The following ESRRG variants were observed in gnomAD, a reference collection of about 807,000 sequenced individuals.
ESRRG encodes the protein estrogen-related receptor gamma.
A neutral mutation model predicts 44.0 loss-of-function variants in ESRRG; 13 were observed. The observed-to-expected ratio is 0.30, with a 90% CI of 0.19 to 0.47. ESRRG has a LOEUF of 0.47. Among genes scored for constraint, ESRRG ranks in the 20% least tolerant of loss-of-function variants. ESRRG has a pLI of 1.00. For missense variants in ESRRG, 395 were observed against 580.6 expected (o/e 0.68, Z 3.29); for synonymous variants, 215 against 214.6 (o/e 1.00, Z -0.02).
intron 1 of ESRRG, among the ~76,000 whole-genome samples, chr1:216,702,354 T>G (rs2081532731): frequency 1.3e-5 from 2 of 152,070 alleles, no homozygotes; most frequent in Admixed American, 6.6e-5. Context: ...CTGTGCTGAT[T>G]CATGCTCATT....
chr1:216,533,548 G>C (rs746457198), intron 5 of ESRRG, among the ~76,000 whole-genome samples: 1 of 152,072 alleles, frequency 6.6e-6, no homozygotes, highest in Non-Finnish European at 1.5e-5. Context: ...AGGCAGAATA[G>C]AATTTTTCAA....
chr1:216,511,692 A>G (rs2042773805), intron 6 of ESRRG, among the ~76,000 whole-genome samples: 1 of 152,172 alleles, frequency 6.6e-6, no homozygotes, highest in Admixed American at 6.5e-5. Context: ...TTGTAATCTG[A>G]TTCTAGGCTT....
At chr1:216,768,243 A>G (rs1008306606) in intron 2 of ESRRG, among the ~76,000 whole-genome samples, 4 of 152,178 alleles carry the variant, frequency 2.6e-5, no homozygotes, top group Admixed American at 6.6e-5. Context: ...GCCCTGTTAT[A>G]GCATGTAAAA....
intron 2 of ESRRG, among the ~76,000 whole-genome samples, chr1:216,667,511 C>T (rs773543543): frequency 6.6e-6 from 1 of 151,486 alleles, no homozygotes; most frequent in South Asian, 2.1e-4. Context: ...CATGGTGAAA[C>T]CCTGTCTCTA....
At chr1:216,572,271 G>A (rs1210199185) in intron 3 of ESRRG, among the ~76,000 whole-genome samples, 1 of 151,762 alleles carries the variant, frequency 6.6e-6, no homozygotes, top group African/African-American at 2.4e-5. Flanking sequence ...TTACACTGGG[G>A]GAAAACACCA....
At chr1:216,626,711 A>T (rs1015916763) in intron 3 of ESRRG, among the ~76,000 whole-genome samples, 1 of 152,146 alleles carries the variant, frequency 6.6e-6, no homozygotes, top group East Asian at 1.9e-4. Context: ...GGCAGGACTA[A>T]TATTTTATTT....
intron 2 of ESRRG, among the ~76,000 whole-genome samples, chr1:216,651,628 T>A (rs931281432): frequency 6.6e-6 from 1 of 152,138 alleles, no homozygotes; most frequent in African/African-American, 2.4e-5. Flanking sequence ...GCTTTAGCAC[T>A]TACCAGAGCC....
intron 1 of ESRRG, among the ~76,000 whole-genome samples, chr1:217,072,738 C>T (rs1202667225): frequency 6.6e-6 from 1 of 152,034 alleles, no homozygotes; most frequent in Non-Finnish European, 1.5e-5. Context: ...CGAGCTGTCT[C>T]TTCTGTTATC....
Position 216,568,016 on chromosome 1 carries a change from A to G in ESRRG, c.672T>C (p.Pro224=). The change falls in exon 4 of 7, where the codon CCT becomes CCC. Residue 224 remains proline (P), a synonymous_variant. Coordinates refer to ENST00000408911, the MANE Select transcript of ESRRG (RefSeq NM_001438.4). ...IDAENSPYLN[P]QLVQPAKKPY... is the part of the protein sequence containing the mutation. ...GCTTTTTGGCTGGCTGAACCAGCTG[A>G]GGGTTCAGGTATGGGCTGTTCTCCG... is the stretch of plus-strand genomic sequence containing the variant. The G allele has an allele frequency of 6.2e-7, 1 of 1,613,062 alleles. No homozygotes were observed. Among genetic ancestry groups the G allele is most frequent in the Non-Finnish European group, 8.5e-7 (1 of 1,179,134 alleles).
At chr1:216,874,247 C>A (rs955407986) in intron 2 of ESRRG, among the ~76,000 whole-genome samples, 3 of 152,092 alleles carry the variant, frequency 2.0e-5, no homozygotes, top group Admixed American at 2.0e-4. Context: ...CTACTCTTTG[C>A]CTTTCAAAAT....
chr1:216,994,260 C>A (rs990889113), intron 1 of ESRRG, among the ~76,000 whole-genome samples: 4 of 152,186 alleles, frequency 2.6e-5, no homozygotes, highest in African/African-American at 7.2e-5. Context: ...ATCATTTCAA[C>A]TGACAATTGT....
chr1:216,543,263 C>A (rs1233396882), intron 5 of ESRRG, among the ~76,000 whole-genome samples: 1 of 151,980 alleles, frequency 6.6e-6, no homozygotes, highest in Non-Finnish European at 1.5e-5. Context: ...TGTTTCCAAA[C>A]CTGCCTTCAA....
Position 216,677,242 on chromosome 1 carries a change from A to G in ESRRG, c.306T>C (p.Asp102=), listed in dbSNP as rs1314163976. Residue 102 remains aspartate, a synonymous_variant, in exon 2 of 7, where the codon GAT becomes GAC. Coordinates refer to ENST00000408911, the MANE Select transcript of ESRRG (RefSeq NM_001438.4). ...GGSGPVRKLY[D]DCSSTIVEDP... ...CTTCAACAATGGTGCTGGAGCAGTC[A>G]TCATACAGTTTCCTGACAGGCCCAC... The G allele has an allele frequency of 1.2e-6, 2 of 1,614,172 alleles. No individual in the cohort carries two copies. The highest frequency in any genetic ancestry group is 8.5e-7 in the Non-Finnish European group (1 of 1,180,028).
At chr1:216,592,445 T>G (rs961598283) in intron 3 of ESRRG, among the ~76,000 whole-genome samples, 1 of 152,142 alleles carries the variant, frequency 6.6e-6, no homozygotes, top group African/African-American at 2.4e-5. Flanking sequence ...TCTTATATTT[T>G]CCATTCATTT....
chr1:216,635,466 A>G (rs1056786338), intron 3 of ESRRG, among the ~76,000 whole-genome samples: 2 of 152,224 alleles, frequency 1.3e-5, no homozygotes, highest in Admixed American at 6.5e-5. Context: ...CCTATAATAT[A>G]CCTTTTTTGT....
At chr1:216,916,928 A>C (rs1313485198) in intron 2 of ESRRG, among the ~76,000 whole-genome samples, 2 of 120,974 alleles carry the variant, frequency 1.7e-5, no homozygotes, top group South Asian at 5.3e-4. Context: ...ATAAACAACT[A>C]CCATTGTATT....
At position 216,540,695 on chromosome 1, in the gene ESRRG, T is replaced by C. The variant is rs1315986982; in HGVS notation, c.863-21274A>G. 3.3e-5 allele frequency among the ~76,000 whole-genome samples: 5 copies of C among 151,988 alleles called. No homozygotes were observed. The East Asian group carries it at 7.7e-4, about 24-fold the overall frequency. On this transcript the variant is annotated intron_variant, in intron 5 of 6. Transcript: ENST00000408911. ...CTAGGATCAAGACCTAGAAAGCACT[T>C]GAGTAACCGAAATATAGGAGAAACA...
intron 2 of ESRRG, among the ~76,000 whole-genome samples, chr1:216,889,766 A>G (rs573758291): frequency 1.3e-5 from 2 of 152,300 alleles, no homozygotes; most frequent in East Asian, 3.9e-4. Flanking sequence ...TTCCTGATAA[A>G]TCAATTCTCA....
chr1:217,135,501 G>T (rs1023447638), intron 1 of ESRRG, among the ~76,000 whole-genome samples: 1 of 151,856 alleles, frequency 6.6e-6, no homozygotes, highest in Non-Finnish European at 1.5e-5. Flanking sequence ...AGAGGCGGAG[G>T]CCAAGGACTG....
Sources: allele counts gnomAD v4.1 joint callset (sites outside exome capture counted in the v4.1 genomes callset), GRCh38; gene constraint gnomAD v4.1.1; transcripts MANE v1.5; gene names NCBI Gene and HGNC (gene_info 2026-07-23, HGNC 2026-07-21).